Variants in MELK observed in about 807,000 individuals in gnomAD.
MELK encodes the protein pEg3 kinase.
A neutral mutation model predicts 85.0 loss-of-function variants in MELK; 81 were observed. The ratio of observed to expected loss-of-function variants is 0.95; its 90% CI spans 0.80 to 1.15. MELK has a LOEUF of 1.15. Ranked by LOEUF, MELK falls within the 50% of genes most tolerant of loss-of-function variation. MELK has a pLI of 0.00. For synonymous variants in MELK, 252 were observed against 265.0 expected (o/e 0.95, Z 0.48); for missense variants, 754 against 777.5 (o/e 0.97, Z 0.36).
intron 10 of MELK, among the ~76,000 whole-genome samples, chr9:36,642,418 CTTT>C (rs34671966): frequency 0.019 from 1,614 of 84,432 alleles, 16 homozygotes; most frequent in African/African-American, 0.076. Flanking sequence ...TACAACAGAA[CTTT>C]TTTTTTTTTT....
intron 13 of MELK, among the ~76,000 whole-genome samples, chr9:36,661,464 A>G (rs1415119587): frequency 6.6e-6 from 1 of 152,228 alleles, no homozygotes; most frequent in Non-Finnish European, 1.5e-5. Flanking sequence ...TGGAAATACA[A>G]AGGGGCAAGA....
chr9:36,592,974 T>G (rs1823783704), intron 4 of MELK, among the ~76,000 whole-genome samples: 1 of 152,192 alleles, frequency 6.6e-6, no homozygotes. Context: ...TACCAGCAAC[T>G]GCTCATCTGA....
In MELK at chr9:36,587,810, G is replaced by A. The variant is rs146798648; in HGVS notation, c.145-1726G>A. The stretch of plus-strand genomic sequence containing the variant: ...AATTTTTTCGATACAGAGTCTCGCT[G>A]TGTCCCCAGGCTGGAGTGCAGTGGC... On this transcript the variant is annotated intron_variant, in intron 3 of 17. Transcript: ENST00000298048. Among the ~76,000 whole-genome samples, 507 of 148,688 alleles carry A rather than the reference G, an allele frequency of 3.4e-3. 4 individuals are homozygous for A. Among genetic ancestry groups the A allele is most frequent in the African/African-American group, 0.012 (481 of 40,342 alleles).
intron 17 of MELK, 80 bp from the exon 18 acceptor site, chr9:36,677,080 C>G (rs968079360): frequency 2.5e-6 from 3 of 1,218,314 alleles, no homozygotes; most frequent in Admixed American, 2.2e-5. Flanking sequence ...ATTTCCTCCA[C>G]TGGCCTCCTA....
At position 36,607,562 on chromosome 9, in the gene MELK, C is replaced by T. The variant is rs1423734859; in HGVS notation, c.568-13C>T. ...TTGTTTCAGTAATTTTTCTTTTTCC[C>T]TCTTTCTCTCAGGCAGATGTTTGGA... On this transcript the variant is annotated splice_polypyrimidine_tract_variant and intron_variant, in intron 7 of 17. Coordinates refer to ENST00000298048, the MANE Select transcript of MELK (RefSeq NM_014791.4). The T allele has an allele frequency of 1.9e-6, 3 of 1,587,118 alleles. No individual in the cohort carries two copies. The highest frequency in any genetic ancestry group is 1.4e-5 in the African/African-American group (1 of 74,020).
chr9:36,590,941 C>A (rs558334377), intron 4 of MELK, among the ~76,000 whole-genome samples: 2 of 151,726 alleles, frequency 1.3e-5, no homozygotes, highest in Non-Finnish European at 2.9e-5. Context: ...AAAAAAAAGC[C>A]GGGTGTGATG....
In MELK at chr9:36,633,105, G is replaced by T. The variant is rs767622049; in HGVS notation, c.739G>T (p.Asp247Tyr). 1 of 1,607,320 alleles carries T rather than the reference G, an allele frequency of 6.2e-7. No homozygotes were observed. Among genetic ancestry groups the T allele is most frequent in the South Asian group, 1.1e-5 (1 of 89,510 alleles). ...ILLLQQMLQV[D>Y]PKKRISMKNL... ...GCTACTTTTTAATGGCCACTAGGTG[G>T]ACCCAAAGAAACGGATTTCTATGAA... Residue 247 changes from aspartate (D) to tyrosine (Y), a missense_variant, in exon 10 of 18, where the codon GAC (aspartate) becomes TAC (tyrosine). Asp to Tyr is a radical substitution (Grantham distance 160). Transcript: ENST00000298048.
rs1338732235 is a variant in MELK, at chr9:36,615,250, A to AC, written c.666+7584dup. On this transcript the variant is annotated intron_variant, in intron 8 of 17. Coordinates refer to ENST00000298048, the MANE Select transcript of MELK (RefSeq NM_014791.4). ...GCACGGCTGGCCAGGCGGGGGGCTG[A>AC]CCCCCCCACCTCCCTCCCAGACGGC... Among the ~76,000 whole-genome samples the AC allele has an allele frequency of 1.9e-4, 18 of 95,852 alleles. 1 individual carries two copies. Among genetic ancestry groups the AC allele is most frequent in the African/African-American group, 7.0e-4 (15 of 21,368 alleles). The allele number at this position is 95,852 out of a possible 152,430, so 62.9% of individuals were successfully genotyped here. A position where few individuals can be genotyped will look rare whatever the true frequency, so the allele number is the denominator to read the frequency against.
intron 7 of MELK, among the ~76,000 whole-genome samples, chr9:36,604,268 C>CTTT (rs10598117): frequency 3.0e-5 from 1 of 33,750 alleles, no homozygotes. Context: ...CGCGCCCGGG[C>CTTT]TTTTTTTTTT....
At chr9:36,655,592 AAG>A (rs1352464795) in intron 12 of MELK, among the ~76,000 whole-genome samples, 2 of 152,110 alleles carry the variant, frequency 1.3e-5, no homozygotes, top group Non-Finnish European at 2.9e-5. Context: ...ATTTGTGAGC[AAG>A]AGAGAGAGAA....
intron 7 of MELK, among the ~76,000 whole-genome samples, chr9:36,606,444 A>AATATATACATATGTATAGGTGTGTAT (rs1186260840): frequency 2.4e-5 from 3 of 126,224 alleles, no homozygotes; most frequent in African/African-American, 3.8e-5. Flanking sequence ...GTGTGTATAT[A>AATATATACATATGTATAGGTGTGTAT]ATATATACAT....
chr9:36,602,771 C>T (rs1478523165), intron 7 of MELK, among the ~76,000 whole-genome samples: 2 of 152,016 alleles, frequency 1.3e-5, no homozygotes, highest in African/African-American at 4.8e-5. Flanking sequence ...GTTGGTCAGG[C>T]TGGTCTCTAA....
chr9:36,583,900 G>A (rs188342513), intron 3 of MELK, among the ~76,000 whole-genome samples, 188 bp downstream of exon 3: 2 of 152,314 alleles, frequency 1.3e-5, no homozygotes, highest in East Asian at 1.9e-4. Context: ...AGATTTTAAC[G>A]CAGTGCAGTG....
chr9:36,600,571 G>C (rs2135608031), intron 7 of MELK, among the ~76,000 whole-genome samples: 1 of 152,204 alleles, frequency 6.6e-6, no homozygotes, highest in Non-Finnish European at 1.5e-5. Flanking sequence ...ATTTTTAGTA[G>C]AGATGGGGTT....
At chr9:36,652,026 C>A (rs369342003) in intron 12 of MELK, 149 bp downstream of exon 12, 89 of 416,612 alleles carry the variant, frequency 2.1e-4, no homozygotes, top group African/African-American at 1.8e-3. Context: ...ATGGGAAGTT[C>A]TGAAGTTGAA....
chr9:36,631,232 A>C (rs1330261817), intron 9 of MELK, among the ~76,000 whole-genome samples: 1 of 151,792 alleles, frequency 6.6e-6, no homozygotes, highest in Non-Finnish European at 1.5e-5. Context: ...TCAAAATCCA[A>C]AGTGCTGGGA....
Position 36,651,041 on chromosome 9 carries a change from G to A in MELK, c.922-705G>A, listed in dbSNP as rs186245552. Among the ~76,000 whole-genome samples the A allele has an allele frequency of 1.1e-3, 163 of 152,276 alleles. 1 individual carries two copies. Among genetic ancestry groups the A allele is most frequent in the South Asian group, 3.7e-3 (18 of 4,830 alleles). On this transcript the variant is annotated intron_variant, in intron 11 of 17. Transcript: ENST00000298048. Reference sequence around the variant, plus strand: ...TGGTTTAGCTGCAGAGCTGATATTCGGCCAGCATGACCACATTGGTTGTTA... The same window carrying A: ...TGGTTTAGCTGCAGAGCTGATATTCAGCCAGCATGACCACATTGGTTGTTA...
chr9:36,642,002 G>A (rs1829802637), intron 10 of MELK, among the ~76,000 whole-genome samples: 1 of 152,046 alleles, frequency 6.6e-6, no homozygotes, highest in Non-Finnish European at 1.5e-5. Context: ...TCCAGGCCAG[G>A]CTATTCCTGA....
chr9:36,671,253 T>G, intron 16 of MELK, 87 bp downstream of exon 16: 1 of 1,309,228 alleles, frequency 7.6e-7, no homozygotes, highest in Non-Finnish European at 1.0e-6. Context: ...ATGAATTGAT[T>G]AGTGTTTTTT....
Sources: allele counts gnomAD v4.1 joint callset (sites outside exome capture counted in the v4.1 genomes callset), GRCh38; gene constraint gnomAD v4.1.1; transcripts MANE v1.5; gene names NCBI Gene and HGNC (gene_info 2026-07-23, HGNC 2026-07-21).